C6orf62: variants seen among roughly 807,000 people sequenced by gnomAD.
C6orf62 encodes the protein chromosome 6 open reading frame 62.
A neutral mutation model predicts 26.8 loss-of-function variants in C6orf62; 16 were observed. The ratio of observed to expected loss-of-function variants is 0.60; its 90% CI spans 0.40 to 0.91. C6orf62 has a LOEUF of 0.91. Ranked by LOEUF, C6orf62 falls within the 40% of genes least tolerant of loss-of-function variation. C6orf62 has a pLI of 0.00. For missense variants in C6orf62, 192 were observed against 271.4 expected (o/e 0.71, Z 2.06); for synonymous variants, 112 against 91.5 (o/e 1.22, Z -1.28).
chr6:24,709,739 T>G, intron 3 of C6orf62: 1 of 985,412 alleles, frequency 1.0e-6, no homozygotes, highest in Non-Finnish European at 1.2e-6. Context: ...GAAGATCAAC[T>G]CCATCCTCCC....
chr6:24,715,103 C>T (rs932758792), intron 2 of C6orf62, among the ~76,000 whole-genome samples: 4 of 152,192 alleles, frequency 2.6e-5, no homozygotes, highest in Non-Finnish European at 4.4e-5. Flanking sequence ...TGTCTTAGAA[C>T]TCCTAATATG....
chr6:24,706,084 A>G lies in C6orf62; in HGVS notation c.*53T>C. Reference sequence around the variant, plus strand: ...AAGAATAAAGTGGTAAGAAAACAAGAAAAAAAACTGCTGCTGCATTCTCTG... The same window carrying G: ...AAGAATAAAGTGGTAAGAAAACAAGGAAAAAAACTGCTGCTGCATTCTCTG... On this transcript the variant is annotated 3_prime_UTR_variant, in exon 5 of 5. Transcript: ENST00000378119. 6.3e-7 allele frequency: 1 copy of G among 1,593,936 alleles called. No homozygotes were observed. Among genetic ancestry groups the G allele is most frequent in the East Asian group, 2.2e-5 (1 of 44,462 alleles).
upstream of C6orf62, chr6:24,719,176 C>T (rs909658787): frequency 4.5e-6 from 3 of 660,116 alleles, no homozygotes; most frequent in Non-Finnish European, 1.8e-6. Context: ...AAAAAAAAAA[C>T]TCACCAAAAC....
In C6orf62 at chr6:24,716,398, C is replaced by A. The variant is rs371102117; in HGVS notation, c.130-74G>T. ...TAACACTCAGTTCATATTACAATGT[C>A]ATGTAACATTAACTCCACAAAATTC... On this transcript the variant is annotated intron_variant, in intron 1 of 4. Transcript: ENST00000378119. 2.3e-4 allele frequency: 243 copies of A among 1,051,740 alleles called. 2 individuals are homozygous for A. The highest frequency in any genetic ancestry group is 1.5e-3 in the African/African-American group (92 of 62,842). The allele number at this position is 1,051,740 out of a possible 1,614,324, so 65.2% of individuals were successfully genotyped here.
At chr6:24,718,415 G>A (rs1779279799) in intron 1 of C6orf62, 125 bp downstream of exon 1, 1 of 915,962 alleles carries the variant, frequency 1.1e-6, no homozygotes, top group Non-Finnish European at 1.6e-6. Context: ...AAAAAACAGA[G>A]CATACAAAGC....
At position 24,706,160 on chromosome 6, in the gene C6orf62, G is replaced by A; in HGVS notation, c.667C>T (p.Leu223Phe). The A allele has an allele frequency of 6.2e-7, 1 of 1,614,220 alleles. No homozygotes were observed. The highest frequency in any genetic ancestry group is 2.2e-5 in the East Asian group (1 of 44,884). ...CTCTACTCTGGCATATAAGGACGGA[G>A]GTGATCCTCTATGGTGCCAACTGCC... Reference protein sequence around the residue: ...HWAVGTIEDHLRPYMPE With the variant: ...HWAVGTIEDHFRPYMPE The change falls in exon 5 of 5, where the codon CTC (leucine) becomes TTC (phenylalanine). Residue 223 changes from leucine to phenylalanine, a missense_variant. Coordinates refer to ENST00000378119, the MANE Select transcript of C6orf62 (RefSeq NM_030939.5).
Position 24,704,993 on chromosome 6 carries a change from T to C in C6orf62, c.*1144A>G, listed in dbSNP as rs898466436. ...GGAAACTGGTAAGCACTAGTTTTAC[T>C]CCAAAGGAGTAGGATCATTCAGATT... On this transcript the variant is annotated 3_prime_UTR_variant, in exon 5 of 5. Transcript: ENST00000378119. The C allele has an allele frequency of 2.0e-5, 3 of 151,988 alleles. No homozygotes were observed. Among genetic ancestry groups the C allele is most frequent in the Non-Finnish European group, 4.4e-5 (3 of 67,890 alleles). 9.4% of individuals were successfully genotyped at this position (151,988 alleles called of 1,614,324 possible). A position where few individuals can be genotyped will look rare whatever the true frequency, so the allele number is the denominator to read the frequency against.
chr6:24,719,622 A>T, upstream of C6orf62: 1 of 1,431,456 alleles, frequency 7.0e-7, no homozygotes, highest in Non-Finnish European at 9.1e-7. Flanking sequence ...AGACCTGATT[A>T]ATGCCCGGGT....
In C6orf62 at chr6:24,705,708, T is replaced by C. The variant is rs1007879740; in HGVS notation, c.*429A>G. ...GTGATTATAGCAAAGTTATTGTTTT[T>C]AAAAATGTTATTTATACCTGTTACA... On this transcript the variant is annotated 3_prime_UTR_variant, in exon 5 of 5. Coordinates refer to ENST00000378119, the MANE Select transcript of C6orf62 (RefSeq NM_030939.5). 6.5e-6 allele frequency: 1 copy of C among 153,650 alleles called. No homozygotes were observed. Among genetic ancestry groups the C allele is most frequent in the African/African-American group, 2.4e-5 (1 of 41,480 alleles). The allele number at this position is 153,650 out of a possible 1,614,324, so 9.5% of individuals were successfully genotyped here.
upstream of C6orf62, chr6:24,719,830 C>G (rs1037953963): frequency 6.5e-7 from 1 of 1,549,366 alleles, no homozygotes. Context: ...GTCCCACCCC[C>G]ACCCCTTGCC....
chr6:24,720,074 G>C (rs1315907160), upstream of C6orf62: 17 of 1,201,038 alleles, frequency 1.4e-5, no homozygotes, highest in East Asian at 8.9e-4. Context: ...ACGTTGAACA[G>C]ACCATGTTTC....
chr6:24,709,178 T>C (rs769156964), intron 3 of C6orf62: 2 of 976,388 alleles, frequency 2.0e-6, no homozygotes, highest in Non-Finnish European at 2.4e-6. Context: ...TTAAGAACAA[T>C]CTCTTGAGAT....
rs760494531 is a variant in C6orf62 at position 24,718,501 on chromosome 6, A to G, written c.129+39T>C. On this transcript the variant is annotated intron_variant, in intron 1 of 4. Coordinates refer to ENST00000378119, the MANE Select transcript of C6orf62 (RefSeq NM_030939.5). ...TAACAAATAATATACACTTACAAAA[A>G]TTACTTGTGCTAATTCACCATTAAG... 3.8e-4 allele frequency: 582 copies of G among 1,545,136 alleles called. 3 individuals carry two copies. The highest frequency in any genetic ancestry group is 1.2e-3 in the Middle Eastern group (7 of 5,842).
upstream of C6orf62, chr6:24,719,987 T>C (rs1022538421): frequency 1.2e-4 from 180 of 1,542,388 alleles, 3 homozygotes; most frequent in Middle Eastern, 2.0e-3. Context: ...AAGAAAATAA[T>C]TGTGTTAATA....
intron 3 of C6orf62, among the ~76,000 whole-genome samples, chr6:24,713,302 T>A (rs1341437189): frequency 3.3e-5 from 5 of 152,210 alleles, no homozygotes; most frequent in Admixed American, 6.5e-5. Context: ...TTCTTATGTA[T>A]GTAACCAATG....
chr6:24,718,075 G>C (rs541404033), intron 1 of C6orf62, among the ~76,000 whole-genome samples: 1 of 152,108 alleles, frequency 6.6e-6, no homozygotes, highest in Non-Finnish European at 1.5e-5. Context: ...GCTCCTAAAA[G>C]GTGTATTCTA....
rs1200700583 is a variant in C6orf62, at chr6:24,705,207, A to G, written c.*930T>C. ...AACTTTATAACCTTTTTTCTACTCCAAAACACCCTTGTAAAGTTTTTCTTT... is the reference window on the plus strand; with the variant it reads ...AACTTTATAACCTTTTTTCTACTCCGAAACACCCTTGTAAAGTTTTTCTTT... On this transcript the variant is annotated 3_prime_UTR_variant, in exon 5 of 5. Transcript: ENST00000378119. 2 of 152,604 alleles carry G rather than the reference A, an allele frequency of 1.3e-5. No individual in the cohort carries two copies. The highest frequency in any genetic ancestry group is 2.9e-5 in the Non-Finnish European group (2 of 68,024). 9.5% of individuals were successfully genotyped at this position (152,604 alleles called of 1,614,324 possible). A position where few individuals can be genotyped will look rare whatever the true frequency, so the allele number is the denominator to read the frequency against.
chr6:24,709,936 A>G (rs1051386899), intron 3 of C6orf62: 2 of 985,352 alleles, frequency 2.0e-6, no homozygotes, highest in Admixed American at 6.1e-5. Flanking sequence ...GTAGGAAATA[A>G]TAACATTGAA....
chr6:24,710,348 C>T (rs1189510248), intron 3 of C6orf62: 5 of 596,258 alleles, frequency 8.4e-6, no homozygotes, highest in Non-Finnish European at 1.1e-5. Flanking sequence ...TCACTGCAAC[C>T]TCCGCCTCCT....
Sources: gnomAD v4.1 joint callset for allele counts (sites outside exome capture counted in the v4.1 genomes callset) on GRCh38, gnomAD v4.1.1 for gene constraint, MANE v1.5 for transcripts, NCBI Gene and HGNC (gene_info 2026-07-23, HGNC 2026-07-21) for gene names.